Variants in TRAPPC9 observed in about 807,000 individuals in gnomAD.
The protein encoded by TRAPPC9 is trafficking protein particle complex subunit 9.
A neutral mutation model predicts 124.0 loss-of-function variants in TRAPPC9; 83 were observed. The observed-to-expected ratio is 0.67, with a 90% CI of 0.56 to 0.80. TRAPPC9 has a LOEUF of 0.80. Ranked by LOEUF, TRAPPC9 falls within the 30% of genes least tolerant of loss-of-function variation. TRAPPC9 has a pLI of 0.00. For synonymous variants in TRAPPC9, 638 were observed against 617.5 expected, an observed-to-expected ratio of 1.03 and a Z score of -0.49; for missense variants, 1,302 against 1,508.3, an observed-to-expected ratio of 0.86 and a Z score of 2.27.
intron 17 of TRAPPC9, among the ~76,000 whole-genome samples, chr8:140,049,398 C>T (rs951510669): frequency 6.6e-6 from 1 of 152,132 alleles, no homozygotes; most frequent in Non-Finnish European, 1.5e-5. Flanking sequence ...AAGGGGAGAG[C>T]TCCAAGGTTC....
At chr8:140,076,378 C>G (rs1321436239) in intron 17 of TRAPPC9, among the ~76,000 whole-genome samples, 1 of 152,218 alleles carries the variant, frequency 6.6e-6, no homozygotes, top group African/African-American at 2.4e-5. Flanking sequence ...AGAGCTGCAT[C>G]CTTGCTTTAC....
intron 6 of TRAPPC9, among the ~76,000 whole-genome samples, chr8:140,403,801 G>A (rs143317834): frequency 0.018 from 2,725 of 152,070 alleles, 102 homozygotes; most frequent in African/African-American, 0.062. Flanking sequence ...GGGACTACAG[G>A]TGCACACCAC....
intron 21 of TRAPPC9, among the ~76,000 whole-genome samples, chr8:139,846,295 C>T (rs1477465055): frequency 6.6e-6 from 1 of 152,146 alleles, no homozygotes; most frequent in East Asian, 1.9e-4. Flanking sequence ...CTCTTAGTTC[C>T]ACCCCCCACC....
chr8:140,096,376 C>T (rs1371930606), intron 17 of TRAPPC9: 1 of 152,180 alleles, frequency 6.6e-6, no homozygotes, highest in Non-Finnish European at 1.5e-5. Flanking sequence ...TAGATGTTAA[C>T]AGGATCCCTC....
chr8:140,457,763 G>A, upstream of TRAPPC9: 16 of 1,002,694 alleles, frequency 1.6e-5, no homozygotes, highest in South Asian at 5.9e-4. Context: ...AGCCGGCGCT[G>A]CTCCTGCGCG....
At chr8:140,207,806 G>C (rs1344110183) in intron 17 of TRAPPC9, among the ~76,000 whole-genome samples, 1 of 152,186 alleles carries the variant, frequency 6.6e-6, no homozygotes, top group East Asian at 1.9e-4. Context: ...GTGTTTCTAG[G>C]CTTCCTCCAA....
chr8:139,793,474 C>T (rs934075534), intron 21 of TRAPPC9, among the ~76,000 whole-genome samples: 1 of 152,224 alleles, frequency 6.6e-6, no homozygotes, highest in African/African-American at 2.4e-5. Context: ...TCCTGCCCGC[C>T]ACCTGCCGCC....
chr8:140,373,737 G>A (rs566781601), intron 7 of TRAPPC9, among the ~76,000 whole-genome samples: 5 of 151,672 alleles, frequency 3.3e-5, no homozygotes, highest in African/African-American at 7.3e-5. Flanking sequence ...TATTTTAGAC[G>A]TTGTGGTGGC....
intron 9 of TRAPPC9, among the ~76,000 whole-genome samples, chr8:140,359,373 A>T (rs1175890489): frequency 6.6e-6 from 1 of 152,206 alleles, no homozygotes; most frequent in Non-Finnish European, 1.5e-5. Flanking sequence ...CCAAGCGCGT[A>T]GGGAAACAGG....
At chr8:139,955,142 G>A (rs904308918) in intron 19 of TRAPPC9, among the ~76,000 whole-genome samples, 4 of 152,008 alleles carry the variant, frequency 2.6e-5, no homozygotes, top group Non-Finnish European at 4.4e-5. Context: ...GAAAGGGGTC[G>A]GATTTCAAAG....
chr8:140,326,153 G>A lies in TRAPPC9; in HGVS notation c.1496-14779C>T, dbSNP rs186694485. Among the ~76,000 whole-genome samples, 331 of 150,804 alleles carry A rather than the reference G, an allele frequency of 2.2e-3. 5 individuals carry two copies. Among genetic ancestry groups the A allele is most frequent in the East Asian group, 3.7e-3 (19 of 5,082 alleles). ...TGTAATCCCAGCACTTTGGGAGGCC[G>A]AGGCGGGCGGATCATGAGATCAGGA... On this transcript the variant is annotated intron_variant, in intron 9 of 22. Coordinates refer to ENST00000438773, the MANE Select transcript of TRAPPC9 (RefSeq NM_001160372.4).
chr8:139,920,597 T>G (rs1832446660), intron 19 of TRAPPC9, among the ~76,000 whole-genome samples: 1 of 152,216 alleles, frequency 6.6e-6, no homozygotes, highest in Non-Finnish European at 1.5e-5. Flanking sequence ...CAGGGCTCAC[T>G]CCCTCCTGCT....
At chr8:140,372,608 T>C (rs528214517) in intron 7 of TRAPPC9, among the ~76,000 whole-genome samples, 13 of 152,174 alleles carry the variant, frequency 8.5e-5, no homozygotes, top group Admixed American at 7.8e-4. Context: ...CCCAAGGTGA[T>C]GGAATTAGGA....
intron 17 of TRAPPC9, among the ~76,000 whole-genome samples, chr8:140,046,041 A>G (rs907751332): frequency 6.8e-6 from 1 of 148,116 alleles, no homozygotes; most frequent in Admixed American, 6.7e-5. Context: ...CTGGATCTAG[A>G]TGGGAGGATG....
chr8:139,886,031 A>C, intron 20 of TRAPPC9, 62 bp from the exon 21 acceptor site: 1 of 1,468,768 alleles, frequency 6.8e-7, no homozygotes, highest in Non-Finnish European at 9.3e-7. Flanking sequence ...AACGTCTAGA[A>C]GTCTCTAGAC....
intron 6 of TRAPPC9, among the ~76,000 whole-genome samples, chr8:140,404,074 TA>T (rs1244678019): frequency 2.6e-5 from 4 of 152,068 alleles, no homozygotes; most frequent in African/African-American, 4.8e-5. Flanking sequence ...CTGTTTACAA[TA>T]GGGGGAAGAA....
chr8:139,847,127 A>G (rs1563859726), intron 21 of TRAPPC9, among the ~76,000 whole-genome samples: 1 of 152,246 alleles, frequency 6.6e-6, no homozygotes, highest in Non-Finnish European at 1.5e-5. Flanking sequence ...GGGAAGGAAG[A>G]AGGCGCAAGA....
At chr8:139,951,923 A>C (rs552155243) in intron 19 of TRAPPC9, among the ~76,000 whole-genome samples, 25 of 152,246 alleles carry the variant, frequency 1.6e-4, no homozygotes, top group Admixed American at 1.2e-3. Context: ...TCTGGGAGGA[A>C]GGTGTTCTGG....
chr8:139,999,392 T>C (rs1025829267), intron 18 of TRAPPC9, among the ~76,000 whole-genome samples: 2 of 152,088 alleles, frequency 1.3e-5, no homozygotes, highest in African/African-American at 4.8e-5. Context: ...TACACAATAA[T>C]TATTAATGTG....
Sources: gnomAD v4.1 joint callset for allele counts (sites outside exome capture counted in the v4.1 genomes callset) on GRCh38, gnomAD v4.1.1 for gene constraint, MANE v1.5 for transcripts, NCBI Gene and HGNC (gene_info 2026-07-23, HGNC 2026-07-21) for gene names.